Variants in GRID1 observed in about 807,000 individuals in gnomAD.
GRID1 encodes the protein glutamate receptor ionotropic, delta-1.
In GRID1, 28 loss-of-function variants were observed where a neutral mutation model predicts 98.0. The ratio of observed to expected loss-of-function variants is 0.29; its 90% CI spans 0.21 to 0.39. GRID1 has a LOEUF of 0.39. Among genes scored for constraint, GRID1 ranks in the 10% least tolerant of loss-of-function variants. GRID1 has a pLI of 1.00. For synonymous variants in GRID1, 553 were observed against 538.5 expected, an observed-to-expected ratio of 1.03 and a Z score of -0.37; for missense variants, 1,111 against 1,340.5, an observed-to-expected ratio of 0.83 and a Z score of 2.67.
At chr10:86,178,639 A>G (rs1845611607) in intron 3 of GRID1, among the ~76,000 whole-genome samples, 3 of 152,212 alleles carry the variant, frequency 2.0e-5, no homozygotes, top group Middle Eastern at 3.4e-3. Context: ...ACACACAGAG[A>G]ACTACGGTCT....
At chr10:86,116,920 A>C (rs1330509237) in intron 4 of GRID1, among the ~76,000 whole-genome samples, 1 of 152,132 alleles carries the variant, frequency 6.6e-6, no homozygotes, top group Non-Finnish European at 1.5e-5. Context: ...GGAAATTTTG[A>C]GTCCTCTCCT....
At chr10:85,663,808 C>T (rs780941937) in intron 12 of GRID1, among the ~76,000 whole-genome samples, 19 of 152,202 alleles carry the variant, frequency 1.2e-4, no homozygotes, top group Non-Finnish European at 2.5e-4. Flanking sequence ...AGGATGATTT[C>T]TGGTCATAGA....
chr10:85,760,192 T>G (rs754704319), intron 8 of GRID1, among the ~76,000 whole-genome samples: 4 of 152,254 alleles, frequency 2.6e-5, no homozygotes, highest in Non-Finnish European at 5.9e-5. Flanking sequence ...TAAGTTTGTT[T>G]AGGCACGAAT....
intron 4 of GRID1, among the ~76,000 whole-genome samples, chr10:86,095,632 G>A (rs900528454): frequency 2.0e-5 from 3 of 152,048 alleles, no homozygotes; most frequent in African/African-American, 7.2e-5. Context: ...TAATGATCAA[G>A]GAAATGCAAA....
At chr10:85,735,806 A>G (rs761276354) in intron 8 of GRID1, among the ~76,000 whole-genome samples, 13 of 149,318 alleles carry the variant, frequency 8.7e-5, no homozygotes, top group Non-Finnish European at 1.6e-4. Flanking sequence ...GGGAGGAAGG[A>G]AGGAGGGATG....
At chr10:85,929,770 G>A (rs2131831768) in intron 4 of GRID1, among the ~76,000 whole-genome samples, 1 of 152,292 alleles carries the variant, frequency 6.6e-6, no homozygotes, top group South Asian at 2.1e-4. Flanking sequence ...CTGCTCCCCA[G>A]AGGCAAACAC....
chr10:86,207,888 C>A (rs545936240), intron 2 of GRID1, among the ~76,000 whole-genome samples: 13 of 152,244 alleles, frequency 8.5e-5, no homozygotes, highest in Admixed American at 7.8e-4. Flanking sequence ...TCTCGACCTC[C>A]CAAAGTGCTG....
intron 2 of GRID1, among the ~76,000 whole-genome samples, chr10:86,330,365 C>A (rs191248918): frequency 6.6e-6 from 1 of 152,206 alleles, no homozygotes; most frequent in Non-Finnish European, 1.5e-5. Flanking sequence ...GGCCACCCCA[C>A]AAGTTTGGAC....
intron 12 of GRID1, among the ~76,000 whole-genome samples, chr10:85,669,265 T>C (rs938285317): frequency 1.3e-5 from 2 of 152,220 alleles, no homozygotes; most frequent in African/African-American, 4.8e-5. Flanking sequence ...GGGAGTTTCC[T>C]ATTTATTGAG....
chr10:86,034,011 T>C (rs1416941177), intron 4 of GRID1, among the ~76,000 whole-genome samples: 1 of 152,250 alleles, frequency 6.6e-6, no homozygotes, highest in Non-Finnish European at 1.5e-5. Flanking sequence ...CAGGGGACAA[T>C]GTTATTCAAA....
intron 4 of GRID1, among the ~76,000 whole-genome samples, chr10:86,069,492 C>A (rs7085391): frequency 0.018 from 2,762 of 152,162 alleles, 98 homozygotes; most frequent in African/African-American, 0.063. Context: ...ACCAAACATA[C>A]AAAAAATTGG....
chr10:86,062,115 G>T lies in GRID1; in HGVS notation c.726+76704C>A, dbSNP rs140768341. 3.6e-3 allele frequency among the ~76,000 whole-genome samples: 543 copies of T among 152,300 alleles called. 2 individuals are homozygous for T. Among genetic ancestry groups the T allele is most frequent in the Non-Finnish European group, 5.7e-3 (391 of 68,028 alleles). ...CTTCTCCAACTGTGCAATGGGGATA[G>T]CAACATTCTGGTTAAATGAGGGCAA... On this transcript the variant is annotated intron_variant, in intron 4 of 15. Coordinates refer to ENST00000327946, the MANE Select transcript of GRID1 (RefSeq NM_017551.3).
chr10:86,063,252 C>A (rs751679106), intron 4 of GRID1, among the ~76,000 whole-genome samples: 1 of 152,296 alleles, frequency 6.6e-6, no homozygotes, highest in South Asian at 2.1e-4. Flanking sequence ...GGTGAGTACA[C>A]ACAATGTACA....
At chr10:86,152,043 T>C (rs112987234) in intron 3 of GRID1, among the ~76,000 whole-genome samples, 4,422 of 152,212 alleles carry the variant, frequency 0.029, 82 homozygotes, top group Middle Eastern at 0.088. Flanking sequence ...GAAAACAGTG[T>C]TTGAGGATGT....
chr10:85,789,891 A>T (rs989022758), intron 8 of GRID1, among the ~76,000 whole-genome samples: 49 of 152,112 alleles, frequency 3.2e-4, no homozygotes, highest in African/African-American at 1.2e-3. Context: ...AGGCCCTGGG[A>T]CCCTCTGGCT....
chr10:86,042,978 G>A (rs1002110435), intron 4 of GRID1, among the ~76,000 whole-genome samples: 1 of 151,978 alleles, frequency 6.6e-6, no homozygotes, highest in Non-Finnish European at 1.5e-5. Flanking sequence ...CCAGCTACTC[G>A]GGAGGCTGAG....
chr10:86,151,531 T>C (rs1845169836), intron 3 of GRID1, among the ~76,000 whole-genome samples: 1 of 152,064 alleles, frequency 6.6e-6, no homozygotes, highest in Non-Finnish European at 1.5e-5. Context: ...CATTTAAGAA[T>C]GGCAAGAGGA....
intron 4 of GRID1, among the ~76,000 whole-genome samples, chr10:86,027,993 A>C (rs1031381710): frequency 2.0e-5 from 3 of 152,098 alleles, no homozygotes; most frequent in Non-Finnish European, 2.9e-5. Flanking sequence ...AATCCTTCTA[A>C]CCACTCCTGG....
chr10:85,626,020 C>T (rs1186125396), intron 13 of GRID1, among the ~76,000 whole-genome samples: 2 of 152,182 alleles, frequency 1.3e-5, no homozygotes, highest in African/African-American at 2.4e-5. Context: ...ACACTGCTCC[C>T]CCCAAATGAG....
Sources: gnomAD v4.1 joint callset for allele counts (sites outside exome capture counted in the v4.1 genomes callset) on GRCh38, gnomAD v4.1.1 for gene constraint, MANE v1.5 for transcripts, NCBI Gene and HGNC (gene_info 2026-07-23, HGNC 2026-07-21) for gene names.